Variants in PRKN observed in about 807,000 individuals in gnomAD.
PRKN encodes E3 ubiquitin-protein ligase parkin.
A neutral mutation model predicts 59.5 loss-of-function variants in PRKN; 56 were observed. The ratio of observed to expected loss-of-function variants is 0.94; its 90% CI spans 0.76 to 1.18. PRKN has a LOEUF of 1.18. PRKN is among the 50% of genes most tolerant of loss of function. PRKN has a pLI of 0.00. For synonymous variants in PRKN, 250 were observed against 222.1 expected, an observed-to-expected ratio of 1.13 and a Z score of -1.12; for missense variants, 657 against 596.4, an observed-to-expected ratio of 1.10 and a Z score of -1.06.
chr6:162,059,553 C>T (rs1778008818), intron 4 of PRKN, among the ~76,000 whole-genome samples: 1 of 152,102 alleles, frequency 6.6e-6, no homozygotes, highest in Non-Finnish European at 1.5e-5. Flanking sequence ...TAAATAGTAG[C>T]AAGAAAGGTC....
chr6:161,628,624 A>G (rs1054667109), intron 7 of PRKN, among the ~76,000 whole-genome samples: 2 of 152,240 alleles, frequency 1.3e-5, no homozygotes, highest in African/African-American at 2.4e-5. Context: ...TTAAATTCCA[A>G]CTAGCCAAGA....
chr6:162,613,403 T>A (rs746661749), intron 1 of PRKN, among the ~76,000 whole-genome samples: 1 of 152,232 alleles, frequency 6.6e-6, no homozygotes, highest in African/African-American at 2.4e-5. Flanking sequence ...TCAGTTTGAC[T>A]CATATTATCT....
intron 6 of PRKN, among the ~76,000 whole-genome samples, chr6:161,811,704 C>T (rs994391425): frequency 1.5e-4 from 23 of 152,060 alleles, no homozygotes; most frequent in Non-Finnish European, 2.8e-4. Flanking sequence ...GGGTGGATCA[C>T]CTGAGGTCAG....
chr6:162,720,686 A>G (rs1329980543), intron 1 of PRKN, among the ~76,000 whole-genome samples: 1 of 151,216 alleles, frequency 6.6e-6, no homozygotes, highest in African/African-American at 2.4e-5. Flanking sequence ...TCCTGACCTC[A>G]TGATCCACCC....
chr6:162,572,772 A>T (rs1780395730), intron 1 of PRKN, among the ~76,000 whole-genome samples: 1 of 152,188 alleles, frequency 6.6e-6, no homozygotes, highest in South Asian at 2.1e-4. Flanking sequence ...GCAGACATAC[A>T]TTATCCATCC....
intron 7 of PRKN, among the ~76,000 whole-genome samples, chr6:161,607,980 A>C (rs1328590144): frequency 6.6e-6 from 1 of 152,198 alleles, no homozygotes; most frequent in Non-Finnish European, 1.5e-5. Context: ...CTGAAAGAAA[A>C]TAGTGCCTTA....
chr6:162,409,191 G>T (rs1227203659), intron 2 of PRKN, among the ~76,000 whole-genome samples: 1 of 151,428 alleles, frequency 6.6e-6, no homozygotes, highest in Non-Finnish European at 1.5e-5. Context: ...TATAGACAGT[G>T]TCTCACTCTA....
intron 6 of PRKN, among the ~76,000 whole-genome samples, chr6:161,922,727 C>T (rs1020848897): frequency 6.6e-6 from 1 of 152,072 alleles, no homozygotes; most frequent in Non-Finnish European, 1.5e-5. Flanking sequence ...GATCTGAATT[C>T]TGGAAATACA....
chr6:162,420,270 G>A (rs1788891825), intron 2 of PRKN, among the ~76,000 whole-genome samples: 1 of 150,628 alleles, frequency 6.6e-6, no homozygotes, highest in Non-Finnish European at 1.5e-5. Flanking sequence ...GGCGGGGAGG[G>A]GGGACTCCTG....
At chr6:161,732,485 T>TTTGTGTG (rs1554298360) in intron 7 of PRKN, among the ~76,000 whole-genome samples, 7 of 146,414 alleles carry the variant, frequency 4.8e-5, no homozygotes, top group African/African-American at 1.5e-4. Flanking sequence ...TTTTTTTTTT[T>TTTGTGTG]TGTGTGTGTG....
At chr6:161,803,652 C>G (rs1449528812) in intron 6 of PRKN, among the ~76,000 whole-genome samples, 1 of 152,210 alleles carries the variant, frequency 6.6e-6, no homozygotes, top group Non-Finnish European at 1.5e-5. Flanking sequence ...GGCCAGTGAG[C>G]TGCCCGGTTT....
chr6:161,736,425 C>T (rs1039052572), intron 7 of PRKN, among the ~76,000 whole-genome samples: 1 of 152,190 alleles, frequency 6.6e-6, no homozygotes, highest in African/African-American at 2.4e-5. Flanking sequence ...ATACTTAGGA[C>T]TGCAGTTGTT....
At position 161,820,960 on chromosome 6, in the gene PRKN, G is replaced by A. The variant is rs111310981; in HGVS notation, c.735-35052C>T. On this transcript the variant is annotated intron_variant, in intron 6 of 11. Coordinates refer to ENST00000366898, the MANE Select transcript of PRKN (RefSeq NM_004562.3). ...TCAATACAAAAACTCTCTGTACAGC[G>A]TGATTCTATCTATACTATCTTATGA... is the stretch of plus-strand genomic sequence containing the variant. Among the ~76,000 whole-genome samples the A allele has an allele frequency of 7.1e-3, 1,079 of 151,834 alleles. 16 individuals are homozygous for A. The highest frequency in any genetic ancestry group is 0.025 in the African/African-American group (1,026 of 41,476).
At chr6:161,416,556 G>C (rs1035385622) in intron 9 of PRKN, among the ~76,000 whole-genome samples, 1 of 152,010 alleles carries the variant, frequency 6.6e-6, no homozygotes, top group Non-Finnish European at 1.5e-5. Context: ...TCAAACCCAG[G>C]CAGACCAACA....
At chr6:162,638,256 T>C (rs1777817582) in intron 1 of PRKN, among the ~76,000 whole-genome samples, 1 of 150,274 alleles carries the variant, frequency 6.7e-6, no homozygotes, top group African/African-American at 2.5e-5. Flanking sequence ...ATGCCTCCTT[T>C]CCTGTTTTCT....
chr6:161,748,107 C>T (rs1028699439), intron 7 of PRKN, among the ~76,000 whole-genome samples: 1 of 152,168 alleles, frequency 6.6e-6, no homozygotes, highest in Non-Finnish European at 1.5e-5. Context: ...AACTCCAGCT[C>T]AGACTTCTGT....
intron 6 of PRKN, among the ~76,000 whole-genome samples, chr6:161,818,691 A>G (rs1269018188): frequency 7.2e-5 from 11 of 152,146 alleles, no homozygotes; most frequent in Non-Finnish European, 1.6e-4. Flanking sequence ...TAGCAAGGAA[A>G]ACCATTTTCA....
chr6:161,421,409 T>C (rs983506745), intron 9 of PRKN, among the ~76,000 whole-genome samples: 2 of 152,224 alleles, frequency 1.3e-5, no homozygotes, highest in Admixed American at 6.5e-5. Flanking sequence ...CAGTTAGGCC[T>C]GGAGTTTACT....
chr6:161,956,996 T>C (rs955370976), intron 6 of PRKN, among the ~76,000 whole-genome samples: 3 of 152,206 alleles, frequency 2.0e-5, no homozygotes, highest in African/African-American at 4.8e-5. Flanking sequence ...CTGGACTCTG[T>C]GGTCATGGGA....
Sources: allele counts gnomAD v4.1 joint callset (sites outside exome capture counted in the v4.1 genomes callset), GRCh38; gene constraint gnomAD v4.1.1; transcripts MANE v1.5; gene names NCBI Gene and HGNC (gene_info 2026-07-23, HGNC 2026-07-21).